Variants in BBS9 observed in about 807,000 individuals in gnomAD.
The protein encoded by BBS9 is Bardet-Biedl syndrome 9.
In BBS9, 89 loss-of-function variants were observed where a neutral mutation model predicts 117.7. That is an observed-to-expected ratio of 0.76 (90% CI 0.64 to 0.90). The LOEUF is 0.90. BBS9 is among the 40% of genes least tolerant of loss of function. The pLI is 0.00. For synonymous variants in BBS9, 379 were observed against 370.9 expected (o/e 1.02, Z -0.25); for missense variants, 982 against 1,042.2 (o/e 0.94, Z 0.80).
chr7:33,582,085 C>G (rs1380775640), intron 21 of BBS9, among the ~76,000 whole-genome samples: 1 of 151,290 alleles, frequency 6.6e-6, no homozygotes, highest in Admixed American at 6.6e-5. Flanking sequence ...TGTCTTTTTT[C>G]TGCTTGGTTT....
In BBS9 at chr7:33,349,127, A is replaced by G. The variant is rs755190124; in HGVS notation, c.1389A>G (p.Pro463=). The change falls in exon 13 of 23, where the codon CCA becomes CCG. Residue 463 remains proline (P), a synonymous_variant. Transcript: ENST00000242067. Reference sequence around the variant, plus strand: ...CCAAATTATCAGTCTACGTGCAACCACCATTAGAATTGACTTGTGATCAGT... The same window carrying G: ...CCAAATTATCAGTCTACGTGCAACCGCCATTAGAATTGACTTGTGATCAGT... The part of the protein sequence containing the change: ...QKAKLSVYVQ[P]PLELTCDQFT... 1.2e-6 allele frequency: 2 copies of G among 1,613,482 alleles called. No homozygotes were observed. The highest frequency in any genetic ancestry group is 2.2e-5 in the South Asian group (2 of 91,072).
At chr7:33,403,657 A>C (rs1829365982) in intron 19 of BBS9, among the ~76,000 whole-genome samples, 2 of 151,692 alleles carry the variant, frequency 1.3e-5, no homozygotes, top group South Asian at 2.1e-4. Context: ...ATCATTTTTT[A>C]TGGCTGCGTA....
rs148922075 is a variant in BBS9, at chr7:33,323,816, T to G, written c.1017-12625T>G. ...GTTTCTGGTCTTCTCTTCCTTCTTTTCTTCATTCCTGTCTTCCTTTTTTTT... is the reference window on the plus strand; with the variant it reads ...GTTTCTGGTCTTCTCTTCCTTCTTTGCTTCATTCCTGTCTTCCTTTTTTTT... On this transcript the variant is annotated intron_variant, in intron 9 of 22. Coordinates refer to ENST00000242067, the MANE Select transcript of BBS9 (RefSeq NM_198428.3). Among the ~76,000 whole-genome samples, 1,085 of 151,228 alleles carry G rather than the reference T, an allele frequency of 7.2e-3. 19 individuals carry two copies. Among genetic ancestry groups the G allele is most frequent in the African/African-American group, 0.025 (1,037 of 41,230 alleles).
At chr7:33,406,449 T>A (rs1007758143) in intron 19 of BBS9, among the ~76,000 whole-genome samples, 8 of 152,262 alleles carry the variant, frequency 5.3e-5, no homozygotes, top group Middle Eastern at 3.4e-3. Context: ...AAGTTAATAG[T>A]GTTATGTGTG....
At position 33,228,465 on chromosome 7, in the gene BBS9, G is replaced by A. The variant is rs537070942; in HGVS notation, c.443-28771G>A. Among the ~76,000 whole-genome samples, 6 of 152,176 alleles carry A rather than the reference G, an allele frequency of 3.9e-5. No individual in the cohort carries two copies. In the South Asian group the frequency reaches 1.3e-3, roughly 32 times the overall value. ...CCAGAAGATTTAGTCACAAAAGGAA[G>A]AGGAATAACTTTCTCTATACAGTTG... is the stretch of plus-strand genomic sequence containing the variant. On this transcript the variant is annotated intron_variant, in intron 5 of 22. Coordinates refer to ENST00000242067, the MANE Select transcript of BBS9 (RefSeq NM_198428.3).
intron 17 of BBS9, among the ~76,000 whole-genome samples, chr7:33,381,107 T>G (rs1405846688): frequency 6.6e-6 from 1 of 152,204 alleles, no homozygotes; most frequent in Non-Finnish European, 1.5e-5. Flanking sequence ...GAGGCAGCCA[T>G]GAGCATCTAT....
At chr7:33,138,474 G>A (rs976117465) in intron 1 of BBS9, among the ~76,000 whole-genome samples, 1 of 151,028 alleles carries the variant, frequency 6.6e-6, no homozygotes, top group African/African-American at 2.4e-5. Context: ...GGGAGGATGA[G>A]ATTCAACATT....
intron 16 of BBS9, 85 bp from the exon 17 acceptor site, chr7:33,367,682 C>T (rs956292719): frequency 1.3e-5 from 14 of 1,052,020 alleles, no homozygotes; most frequent in South Asian, 6.3e-5. Flanking sequence ...ATAAAAAACA[C>T]GCATCATTCA....
chr7:33,225,238 C>T (rs149298268), intron 5 of BBS9, among the ~76,000 whole-genome samples: 10 of 152,238 alleles, frequency 6.6e-5, no homozygotes, highest in Middle Eastern at 3.4e-3. Flanking sequence ...CACTCTTTTG[C>T]GCAGGCTTGA....
intron 5 of BBS9, among the ~76,000 whole-genome samples, chr7:33,245,949 A>G (rs554569264): frequency 1.7e-4 from 26 of 152,058 alleles, no homozygotes; most frequent in Non-Finnish European, 3.2e-4. Context: ...GTTCTTTTGG[A>G]TATCTTGTTT....
At chr7:33,329,170 A>G (rs1384495180) in intron 9 of BBS9, among the ~76,000 whole-genome samples, 1 of 152,050 alleles carries the variant, frequency 6.6e-6, no homozygotes, top group South Asian at 2.1e-4. Flanking sequence ...ACAGGTGCAC[A>G]TCACCACTCC....
chr7:33,280,904 C>CG (rs1801692947), intron 9 of BBS9, among the ~76,000 whole-genome samples: 1 of 43,432 alleles, frequency 2.3e-5, no homozygotes, highest in Non-Finnish European at 4.3e-5. Context: ...GTTAATTTGT[C>CG]GTTTTTGTTT....
At chr7:33,340,136 T>G (rs1481850646) in intron 10 of BBS9, among the ~76,000 whole-genome samples, 2 of 152,026 alleles carry the variant, frequency 1.3e-5, no homozygotes, top group African/African-American at 4.8e-5. Context: ...GGATAAATAA[T>G]GAAAGGTGAA....
intron 19 of BBS9, among the ~76,000 whole-genome samples, chr7:33,391,770 A>G (rs1827117470): frequency 6.6e-6 from 1 of 152,204 alleles, no homozygotes; most frequent in African/African-American, 2.4e-5. Context: ...TTCATCATGC[A>G]TGAAAATACT....
intron 5 of BBS9, among the ~76,000 whole-genome samples, chr7:33,181,718 T>C (rs1798126198): frequency 6.6e-6 from 1 of 152,258 alleles, no homozygotes; most frequent in African/African-American, 2.4e-5. Flanking sequence ...ACACAGAATT[T>C]CTTTTACAAG....
intron 9 of BBS9, among the ~76,000 whole-genome samples, chr7:33,291,317 G>C (rs558638743): frequency 6.6e-6 from 1 of 152,070 alleles, no homozygotes; most frequent in Non-Finnish European, 1.5e-5. Flanking sequence ...AAAAGTTAAA[G>C]TTTTGTTAAA....
chr7:33,589,773 G>A (rs1861551227), intron 21 of BBS9, among the ~76,000 whole-genome samples: 1 of 152,008 alleles, frequency 6.6e-6, no homozygotes, highest in African/African-American at 2.4e-5. Context: ...AAGAAGTTGG[G>A]TATGAATCTG....
intron 21 of BBS9, among the ~76,000 whole-genome samples, chr7:33,575,669 C>G (rs1470370253): frequency 6.6e-6 from 1 of 152,110 alleles, no homozygotes; most frequent in African/African-American, 2.4e-5. Flanking sequence ...AAAATACTGG[C>G]AAACGAAATC....
chr7:33,569,837 A>G (rs1857504410), intron 21 of BBS9, among the ~76,000 whole-genome samples: 2 of 152,234 alleles, frequency 1.3e-5, no homozygotes, highest in Admixed American at 6.5e-5. Context: ...TACATAATAC[A>G]TGATATTCCC....
Sources: allele counts gnomAD v4.1 joint callset (sites outside exome capture counted in the v4.1 genomes callset), GRCh38; gene constraint gnomAD v4.1.1; transcripts MANE v1.5; gene names NCBI Gene and HGNC (gene_info 2026-07-23, HGNC 2026-07-21).